SND1: variants seen among roughly 807,000 people sequenced by gnomAD.
SND1 encodes staphylococcal nuclease and tudor domain containing 1.
Under a neutral mutation model 121.7 loss-of-function variants are expected in SND1, and 38 were observed. The observed-to-expected ratio is 0.31, with a 90% confidence interval of 0.24 to 0.41. The LOEUF is 0.41. Among genes scored for constraint, SND1 ranks in the 10% least tolerant of loss-of-function variants. The pLI is 1.00. For synonymous variants in SND1, 401 were observed against 447.4 expected (o/e 0.90, Z 1.31); for missense variants, 868 against 1,184.6 (o/e 0.73, Z 3.92).
chr7:127,753,972 C>T (rs1373716142), intron 10 of SND1, among the ~76,000 whole-genome samples: 2 of 152,152 alleles, frequency 1.3e-5, no homozygotes, highest in East Asian at 1.9e-4. Flanking sequence ...ACTAAAGTCC[C>T]CTTGAACGCT....
At chr7:127,719,577 A>G (rs1796452004) in intron 9 of SND1, among the ~76,000 whole-genome samples, 2 of 152,184 alleles carry the variant, frequency 1.3e-5, no homozygotes, top group Admixed American at 1.3e-4. Flanking sequence ...TTAGCCTATG[A>G]TTCTCAGATC....
At chr7:127,843,491 A>G (rs748435411) in intron 11 of SND1, among the ~76,000 whole-genome samples, 2 of 152,218 alleles carry the variant, frequency 1.3e-5, no homozygotes, top group Non-Finnish European at 2.9e-5. Context: ...AGTTGGAATC[A>G]TACAGTACAC....
intron 11 of SND1, among the ~76,000 whole-genome samples, chr7:127,830,993 C>T (rs1316611304): frequency 6.6e-6 from 1 of 152,220 alleles, no homozygotes; most frequent in African/African-American, 2.4e-5. Context: ...ATCTGCTGCT[C>T]AGAGAAAGGG....
chr7:128,092,116 G>A lies in SND1; in HGVS notation c.*58G>A. ...CACGCCAGTCCCTCTTCCTCTGCCG[G>A]GAGGGTGTTTTCAACTCCAAACCCC... On this transcript the variant is annotated 3_prime_UTR_variant, in exon 24 of 24. Coordinates refer to ENST00000354725, the MANE Select transcript of SND1 (RefSeq NM_014390.4). This position sits in a 1 kb window ranked among gnomAD's most constrained non-coding sequence, Gnocchi z 4.9. 1 of 1,566,796 alleles carries A rather than the reference G, an allele frequency of 6.4e-7. No individual in the cohort carries two copies.
Position 127,847,235 on chromosome 7 carries a change from G to A in SND1, c.1343+2811G>A, listed in dbSNP as rs191390421. On this transcript the variant is annotated intron_variant, in intron 12 of 23. Transcript: ENST00000354725. ...TGCAGTGAGCCGAGATCATGCCACT[G>A]CACTCCAGCCTGGGCAATAGAGTGA... Among the ~76,000 whole-genome samples the A allele has an allele frequency of 2.4e-3, 365 of 152,252 alleles. 1 individual carries two copies. Among genetic ancestry groups the A allele is most frequent in the Middle Eastern group, 0.024 (7 of 294 alleles).
intron 1 of SND1, among the ~76,000 whole-genome samples, chr7:127,686,251 A>T (rs943066692): frequency 6.6e-6 from 1 of 152,208 alleles, no homozygotes; most frequent in Non-Finnish European, 1.5e-5. Context: ...GAAAGTGTTG[A>T]TGGAGATATT....
intron 12 of SND1, chr7:127,858,192 G>A (rs948487407): frequency 7.9e-5 from 62 of 788,016 alleles, no homozygotes; most frequent in Middle Eastern, 4.5e-4. Context: ...CCCTTCAGCC[G>A]CATGGCCAAC....
chr7:127,928,671 C>T (rs974488593), intron 14 of SND1, among the ~76,000 whole-genome samples: 2 of 152,058 alleles, frequency 1.3e-5, no homozygotes, highest in African/African-American at 2.4e-5. Context: ...TCACTGCAAC[C>T]TCCACCTCCC....
chr7:127,912,324 T>C (rs1800476454), intron 14 of SND1, among the ~76,000 whole-genome samples: 1 of 152,172 alleles, frequency 6.6e-6, no homozygotes, highest in Non-Finnish European at 1.5e-5. Flanking sequence ...TTACCTCCTT[T>C]TGTAGATCTT....
In SND1 at chr7:127,895,502, A is replaced by G. The variant is rs183199632; in HGVS notation, c.1454+7490A>G. 9.6e-4 allele frequency among the ~76,000 whole-genome samples: 146 copies of G among 152,076 alleles called. 1 individual carries two copies. Among genetic ancestry groups the G allele is most frequent in the African/African-American group, 3.3e-3 (136 of 41,490 alleles). ...ACTTTGGAAATGCACACCCCACCCT[A>G]CATTTTGGGGTTGCAGTTAAGTGTC... On this transcript the variant is annotated intron_variant, in intron 13 of 23. Transcript: ENST00000354725.
chr7:127,852,269 C>G (rs921635104), intron 12 of SND1, among the ~76,000 whole-genome samples: 1 of 151,610 alleles, frequency 6.6e-6, no homozygotes, highest in Non-Finnish European at 1.5e-5. Context: ...CTGAGGCAGG[C>G]AGATCATTTG....
intron 9 of SND1, among the ~76,000 whole-genome samples, chr7:127,716,884 G>A (rs1796401024): frequency 6.6e-6 from 1 of 152,200 alleles, no homozygotes; most frequent in African/African-American, 2.4e-5. Flanking sequence ...TTGACTTTCA[G>A]TTGGAAAGGA....
At chr7:127,734,046 T>G (rs1796729044) in intron 10 of SND1, among the ~76,000 whole-genome samples, 1 of 152,140 alleles carries the variant, frequency 6.6e-6, no homozygotes, top group Non-Finnish European at 1.5e-5. Flanking sequence ...AGATTGTTGC[T>G]CTTACCAATG....
At chr7:128,058,941 T>G (rs1365788297) in intron 16 of SND1, among the ~76,000 whole-genome samples, 1 of 152,116 alleles carries the variant, frequency 6.6e-6, no homozygotes, top group Non-Finnish European at 1.5e-5. Context: ...AAGTCAGCTC[T>G]CTCCAGCTTT....
chr7:128,043,859 C>T (rs986367423), intron 16 of SND1, among the ~76,000 whole-genome samples: 26 of 50,380 alleles, frequency 5.2e-4, no homozygotes, highest in Admixed American at 2.5e-3. Context: ...TATATATACA[C>T]ATATACACAC....
Position 128,015,779 on chromosome 7 carries a change from A to C in SND1, c.1779+24723A>C, listed in dbSNP as rs543207022. 1.1e-3 allele frequency among the ~76,000 whole-genome samples: 166 copies of C among 152,232 alleles called. No homozygotes were observed. Among genetic ancestry groups the C allele is most frequent in the African/African-American group, 3.9e-3 (162 of 41,532 alleles). On this transcript the variant is annotated intron_variant, in intron 16 of 23. Transcript: ENST00000354725. This position sits in a 1 kb window ranked among gnomAD's most constrained non-coding sequence, Gnocchi z 4.5. ...TTGCTGGCTTCTTGGTGAGCAGCAG[A>C]AATTTGGAGCTGTACAGGAATCAGA...
chr7:127,728,814 C>T (rs1796624581), intron 10 of SND1, among the ~76,000 whole-genome samples: 1 of 152,204 alleles, frequency 6.6e-6, no homozygotes, highest in Admixed American at 6.5e-5. Context: ...TTACCACCTC[C>T]CAATCCATGG....
Position 127,939,114 on chromosome 7 carries a change from C to CA in SND1, c.1669+9790dup, listed in dbSNP as rs1179006918. On this transcript the variant is annotated intron_variant, in intron 15 of 23. Transcript: ENST00000354725. Reference sequence around the variant, plus strand: ...ATAAGAGTAAATATGTAACTGCTGTCAAAAAGGCTGTTTCAAAACTCGGAA... The same window carrying CA: ...ATAAGAGTAAATATGTAACTGCTGTCAAAAAAGGCTGTTTCAAAACTCGGAA... Among the ~76,000 whole-genome samples, 6 of 152,240 alleles carry CA rather than the reference C, an allele frequency of 3.9e-5. No individual in the cohort carries two copies. In the East Asian group the frequency reaches 7.7e-4, roughly 20 times the overall value.
chr7:127,865,508 T>TAAACAAAC (rs1040417206), intron 12 of SND1, among the ~76,000 whole-genome samples: 22 of 152,176 alleles, frequency 1.4e-4, no homozygotes, highest in Admixed American at 1.4e-3. Context: ...GGTACAAGAT[T>TAAACAAAC]AAACAAACAA....
Sources: allele counts gnomAD v4.1 joint callset (sites outside exome capture counted in the v4.1 genomes callset), GRCh38; gene constraint gnomAD v4.1.1; non-coding constraint Gnocchi (gnomAD v3.1); transcripts MANE v1.5; gene names NCBI Gene and HGNC (gene_info 2026-07-23, HGNC 2026-07-21).